Variants in PLCB1 observed in about 807,000 individuals in gnomAD.
PLCB1 encodes the protein phospholipase C beta 1.
Under a neutral mutation model 161.8 loss-of-function variants are expected in PLCB1, and 46 were observed. The ratio of observed to expected loss-of-function variants is 0.28; its 90% CI spans 0.22 to 0.36. The LOEUF (loss-of-function observed/expected upper bound fraction) is 0.36. PLCB1 is among the 10% of genes least tolerant of loss of function. The pLI is 1.00. For synonymous variants in PLCB1, 517 were observed against 503.7 expected (o/e 1.03, Z -0.35); for missense variants, 1,016 against 1,472.5 (o/e 0.69, Z 5.07).
At chr20:8,512,686 C>T (rs1290986198) in intron 3 of PLCB1, among the ~76,000 whole-genome samples, 3 of 151,954 alleles carry the variant, frequency 2.0e-5, no homozygotes, top group Non-Finnish European at 2.9e-5. Flanking sequence ...CCTCATAATA[C>T]AAATTGTACC....
chr20:8,271,157 C>G (rs1393247361), intron 2 of PLCB1, among the ~76,000 whole-genome samples: 1 of 152,086 alleles, frequency 6.6e-6, no homozygotes, highest in African/African-American at 2.4e-5. Context: ...AGACATCATT[C>G]CCTTAGATGC....
At chr20:8,860,614 T>G (rs997498333) in intron 31 of PLCB1, among the ~76,000 whole-genome samples, 2 of 152,240 alleles carry the variant, frequency 1.3e-5, no homozygotes, top group African/African-American at 4.8e-5. Flanking sequence ...CATTAGTTAT[T>G]TCACTGATTA....
chr20:8,324,580 C>T (rs1985068398), intron 2 of PLCB1, among the ~76,000 whole-genome samples: 2 of 152,156 alleles, frequency 1.3e-5, no homozygotes, highest in South Asian at 4.1e-4. Flanking sequence ...GATACGGGGA[C>T]TCCAAGGGTC....
intron 2 of PLCB1, among the ~76,000 whole-genome samples, chr20:8,215,101 T>C (rs778177456): frequency 2.6e-5 from 4 of 152,062 alleles, no homozygotes; most frequent in Non-Finnish European, 4.4e-5. Flanking sequence ...AAGCTGTGTG[T>C]TTACCATGTG....
chr20:8,191,236 A>T (rs2051967135), intron 2 of PLCB1, among the ~76,000 whole-genome samples: 1 of 152,024 alleles, frequency 6.6e-6, no homozygotes, highest in Admixed American at 6.6e-5. Flanking sequence ...TGATCACATC[A>T]TGGAGAACTG....
In PLCB1 at chr20:8,209,389, T is replaced by C. The variant is rs145553677; in HGVS notation, c.177+59018T>C. Reference sequence around the variant, plus strand: ...ACAGCTTTTCTTAGCAAATGTAGACTTTGTTCTTAGAGGAGTTAGTTATTG... The same window carrying C: ...ACAGCTTTTCTTAGCAAATGTAGACCTTGTTCTTAGAGGAGTTAGTTATTG... On this transcript the variant is annotated intron_variant, in intron 2 of 31. Transcript: ENST00000338037. Among the ~76,000 whole-genome samples, 129 of 152,240 alleles carry C rather than the reference T, an allele frequency of 8.5e-4. 1 individual carries two copies. In the East Asian group the frequency reaches 0.023, roughly 27 times the overall value.
At chr20:8,364,386 G>A (rs142293036) in intron 2 of PLCB1, among the ~76,000 whole-genome samples, 6 of 152,132 alleles carry the variant, frequency 3.9e-5, no homozygotes, top group Non-Finnish European at 7.4e-5. Context: ...GATAATATCC[G>A]CAGGCATTGG....
At position 8,785,817 on chromosome 20, in the gene PLCB1, G is replaced by A. The variant is rs1347258076; in HGVS notation, c.3112-2632G>A. 2.6e-5 allele frequency among the ~76,000 whole-genome samples: 4 copies of A among 152,222 alleles called. No individual in the cohort carries two copies. In the East Asian group the frequency reaches 7.7e-4, roughly 29 times the overall value. The stretch of plus-strand genomic sequence containing the variant: ...GGAAGGGAAACAGCACATGTGAGCA[G>A]ATGCTGGCATAATCAAGAAAATATT... On this transcript the variant is annotated intron_variant, in intron 27 of 31. Transcript: ENST00000338037.
intron 15 of PLCB1, among the ~76,000 whole-genome samples, chr20:8,722,938 G>A (rs551745407): frequency 3.3e-5 from 5 of 152,274 alleles, no homozygotes; most frequent in African/African-American, 1.2e-4. Flanking sequence ...AGGATGGCTT[G>A]AGTCCAAAAA....
Position 8,215,220 on chromosome 20 carries a change from C to T in PLCB1, c.177+64849C>T, listed in dbSNP as rs73897321. On this transcript the variant is annotated intron_variant, in intron 2 of 31. Transcript: ENST00000338037. ...CTTCCACCACACTATAAATAAAAGC[C>T]AACCCATAAGCACCCACTCAGATGT... Among the ~76,000 whole-genome samples the T allele has an allele frequency of 6.7e-3, 1,019 of 152,064 alleles. 18 individuals are homozygous for T. The highest frequency in any genetic ancestry group is 0.023 in the African/African-American group (957 of 41,478).
At chr20:8,600,418 C>G (rs1251040430) in intron 3 of PLCB1, among the ~76,000 whole-genome samples, 1 of 143,060 alleles carries the variant, frequency 7.0e-6, no homozygotes. Flanking sequence ...GCTCGGGGGT[C>G]AGGGGTCAGG....
chr20:8,688,321 G>T (rs951354326), intron 10 of PLCB1, among the ~76,000 whole-genome samples: 1 of 152,116 alleles, frequency 6.6e-6, no homozygotes, highest in Non-Finnish European at 1.5e-5. Flanking sequence ...CTTTTGCTGT[G>T]CAAAAGCTCT....
intron 31 of PLCB1, among the ~76,000 whole-genome samples, chr20:8,861,830 G>A (rs1163041511): frequency 6.6e-6 from 1 of 151,792 alleles, no homozygotes. Flanking sequence ...CAGGCTGATG[G>A]AAACAATTTA....
intron 3 of PLCB1, among the ~76,000 whole-genome samples, chr20:8,501,866 TATATATATATATATATATATATATA>T (rs1983429025): frequency 9.1e-3 from 4 of 438 alleles, no homozygotes; most frequent in African/African-American, 0.059. Flanking sequence ...ATATATCGCA[TATATATATATATATATATATATATA>T]TATATATATA....
chr20:8,716,027 A>G (rs1600271540), intron 12 of PLCB1: 2 of 474,896 alleles, frequency 4.2e-6, no homozygotes, highest in East Asian at 3.2e-5. Flanking sequence ...CCCTCCACCT[A>G]TGTCTATGCA....
intron 11 of PLCB1, among the ~76,000 whole-genome samples, chr20:8,699,381 G>A (rs1990650703): frequency 6.6e-6 from 1 of 152,206 alleles, no homozygotes; most frequent in South Asian, 2.1e-4. Flanking sequence ...ACGAAGCTTT[G>A]GATGAAGAAA....
chr20:8,666,287 G>T (rs998855937), intron 9 of PLCB1, among the ~76,000 whole-genome samples: 1 of 152,080 alleles, frequency 6.6e-6, no homozygotes. Flanking sequence ...CCCAAAAAAG[G>T]TGCTTGCACT....
intron 1 of PLCB1, among the ~76,000 whole-genome samples, chr20:8,133,213 C>A (rs551185270): frequency 6.6e-5 from 10 of 152,268 alleles, no homozygotes; most frequent in African/African-American, 2.2e-4. Context: ...TTAGTGATTG[C>A]GAACCCTCTT....
chr20:8,312,555 T>C (rs996276590), intron 2 of PLCB1, among the ~76,000 whole-genome samples: 49 of 152,166 alleles, frequency 3.2e-4, no homozygotes, highest in African/African-American at 1.0e-3. Context: ...GCTGTGAAGC[T>C]ACTGCATGCG....
Sources: gnomAD v4.1 joint callset for allele counts (sites outside exome capture counted in the v4.1 genomes callset) on GRCh38, gnomAD v4.1.1 for gene constraint, MANE v1.5 for transcripts, NCBI Gene and HGNC (gene_info 2026-07-23, HGNC 2026-07-21) for gene names.